The following TRAPPC2L variants were observed in gnomAD, a reference collection of about 807,000 sequenced individuals.
TRAPPC2L encodes the protein trafficking protein particle complex subunit 2L, also known as trafficking protein particle complex subunit 2-like protein.
Under a neutral mutation model 13.2 loss-of-function variants are expected in TRAPPC2L, and 17 were observed. The ratio of observed to expected loss-of-function variants is 1.29; its 90% CI spans 0.88 to 1.93. TRAPPC2L has a LOEUF of 1.93. Among genes scored for constraint, TRAPPC2L ranks in the 30% most tolerant of loss-of-function variants. TRAPPC2L has a pLI of 0.00. For synonymous variants in TRAPPC2L, 150 were observed against 98.1 expected (o/e 1.53, Z -3.12); for missense variants, 359 against 252.1 (o/e 1.42, Z -2.87).
chr16:88,857,770 A>G (rs1411488003), intron 1 of TRAPPC2L, among the ~76,000 whole-genome samples: 1 of 151,942 alleles, frequency 6.6e-6, no homozygotes, highest in African/African-American at 2.4e-5. Context: ...CACGCGGAAC[A>G]CCTCTCCCCA....
chr16:88,859,843 C>A, intron 3 of TRAPPC2L, 50 bp from the exon 4 acceptor site: 1 of 1,581,752 alleles, frequency 6.3e-7, no homozygotes, highest in Non-Finnish European at 8.6e-7. Flanking sequence ...AAAAATCTGG[C>A]AGTGGCTGTG....
chr16:88,859,243 T>C (rs1265208278), intron 2 of TRAPPC2L: 1 of 540,126 alleles, frequency 1.9e-6, no homozygotes, highest in Non-Finnish European at 3.5e-6. Flanking sequence ...AGTCATCATG[T>C]AGCCTGTCCA....
Position 88,858,599 on chromosome 16 carries a change from G to T in TRAPPC2L, c.34-20G>T. ...TGGGTGGAGTCTTGTCCTTTCAGTC[G>T]CCGTCATCCTTTCTTGCAGAATTAC... On this transcript the variant is annotated intron_variant, in intron 1 of 3. Transcript: ENST00000565504. 6.2e-7 allele frequency: 1 copy of T among 1,608,890 alleles called. No individual in the cohort carries two copies. The highest frequency in any genetic ancestry group is 1.1e-5 in the South Asian group (1 of 90,814).
exon 4 of TRAPPC2L, chr16:88,861,525 C>T (rs914470864): frequency 7.5e-6 from 3 of 397,386 alleles, no homozygotes; most frequent in Non-Finnish European, 1.6e-5. Context: ...GCCTCGTGGC[C>T]CCGCGGCGTT....
exon 4 of TRAPPC2L, chr16:88,862,056 G>C (rs975772333): frequency 5.9e-6 from 1 of 168,612 alleles, no homozygotes; most frequent in East Asian, 1.9e-4. Context: ...GGGTGCATGT[G>C]GGCCACAGAC....
At chr16:88,861,740 C>G (rs1292723418) in exon 4 of TRAPPC2L, 10 of 456,382 alleles carry the variant, frequency 2.2e-5, no homozygotes, top group Non-Finnish European at 4.4e-5. Context: ...TGAGGGGACC[C>G]CCCCGGAGTT....
At chr16:88,856,246 G>A (rs541816113), upstream of TRAPPC2L, 3 of 702,580 alleles carry the variant, frequency 4.3e-6, no homozygotes, top group Admixed American at 2.0e-5. Context: ...ACAGCCGTCA[G>A]GTAAGACTGG....
chr16:88,857,045 GT>G, upstream of TRAPPC2L: 1 of 1,436,328 alleles, frequency 7.0e-7, no homozygotes, highest in Non-Finnish European at 9.1e-7. Flanking sequence ...CTCGTGACCA[GT>G]GGGGCGGGGC....
At chr16:88,861,636 A>G in exon 4 of TRAPPC2L, 1 of 497,878 alleles carries the variant, frequency 2.0e-6, no homozygotes, top group South Asian at 1.5e-5. Flanking sequence ...TCACTTGATG[A>G]CGTGGCTGAC....
chr16:88,860,934 C>G (rs957732930), exon 4 of TRAPPC2L: 1 of 1,594,208 alleles, frequency 6.3e-7, no homozygotes, highest in Non-Finnish European at 8.5e-7. Flanking sequence ...AACATGGTGA[C>G]GTCGATGATG....
intron 1 of TRAPPC2L, among the ~76,000 whole-genome samples, chr16:88,857,730 A>G (rs1255054176): frequency 6.6e-6 from 1 of 152,204 alleles, no homozygotes; most frequent in East Asian, 1.9e-4. Context: ...CTCCCTGGAC[A>G]TGCTCTGCCC....
exon 4 of TRAPPC2L, chr16:88,860,660 C>T (rs1229642047): frequency 1.7e-6 from 1 of 598,854 alleles, no homozygotes; most frequent in Non-Finnish European, 3.0e-6. Flanking sequence ...ACCGCTCTGC[C>T]TGCCCATGCT....
At chr16:88,856,772 G>A (rs779849307), upstream of TRAPPC2L, 5 of 1,541,316 alleles carry the variant, frequency 3.2e-6, no homozygotes, top group Non-Finnish European at 4.3e-6. Context: ...TCCATGAGCA[G>A]GAGCAGGATG....
chr16:88,860,409 T>G lies in TRAPPC2L; in HGVS notation c.*85T>G, dbSNP rs548937206. Reference sequence around the variant, plus strand: ...CCACAAAGTAAACAGATTTAACTTTTGAACATCATGAGGGAAATGTGGGGT... The same window carrying G: ...CCACAAAGTAAACAGATTTAACTTTGGAACATCATGAGGGAAATGTGGGGT... On this transcript the variant is annotated 3_prime_UTR_variant, in exon 4 of 4. Transcript: ENST00000565504. The G allele has an allele frequency of 1.3e-4, 79 of 607,980 alleles. No individual in the cohort carries two copies. In the South Asian group the frequency reaches 1.5e-3, roughly 12 times the overall value. The allele number at this position is 607,980 out of a possible 1,614,324, so 37.7% of individuals were successfully genotyped here.
chr16:88,857,459 C>G (rs1328721305), intron 1 of TRAPPC2L: 1 of 429,436 alleles, frequency 2.3e-6, no homozygotes, highest in Admixed American at 4.5e-5. Flanking sequence ...TAGGTGGTCC[C>G]GGGCACTACC....
At chr16:88,856,809 C>G, upstream of TRAPPC2L, 1 of 1,539,324 alleles carries the variant, frequency 6.5e-7, no homozygotes, top group Non-Finnish European at 8.7e-7. Context: ...CGCCCGAGGC[C>G]CCCATCCCCG....
At chr16:88,857,419 TCTC>T in intron 1 of TRAPPC2L, 1 of 486,718 alleles carries the variant, frequency 2.1e-6, no homozygotes, top group South Asian at 2.9e-5. Context: ...GCGCAGCAGG[TCTC>T]CTCCCCGCCA....
intron 2 of TRAPPC2L, chr16:88,859,071 G>C (rs1011678472): frequency 4.0e-6 from 2 of 495,758 alleles, no homozygotes; most frequent in African/African-American, 1.9e-5. Context: ...CTTTGTACCT[G>C]CAAGGATTTC....
chr16:88,856,921 A>C (rs574543826), upstream of TRAPPC2L: 9 of 1,483,530 alleles, frequency 6.1e-6, no homozygotes, highest in Middle Eastern at 4.7e-4. Context: ...GAGCCGACCT[A>C]GCGAGCGTCC....
Sources: allele counts gnomAD v4.1 joint callset (sites outside exome capture counted in the v4.1 genomes callset), GRCh38; gene constraint gnomAD v4.1.1; transcripts MANE v1.5; gene names NCBI Gene and HGNC (gene_info 2026-07-23, HGNC 2026-07-21).